DIP2C: variants seen among roughly 807,000 people sequenced by gnomAD.
The protein encoded by DIP2C is disco-interacting protein 2 homolog C.
A neutral mutation model predicts 192.4 loss-of-function variants in DIP2C; 33 were observed. The ratio of observed to expected loss-of-function variants is 0.17; its 90% CI spans 0.13 to 0.23. The LOEUF (loss-of-function observed/expected upper bound fraction) is 0.23. Among genes scored for constraint, DIP2C ranks in the 10% least tolerant of loss-of-function variants. DIP2C has a pLI of 1.00. For synonymous variants in DIP2C, 979 were observed against 864.1 expected (o/e 1.13, Z -2.33); for missense variants, 1,537 against 2,110.1 (o/e 0.73, Z 5.32).
intron 4 of DIP2C, among the ~76,000 whole-genome samples, chr10:425,172 T>C (rs1378481052): frequency 3.0e-4 from 6 of 20,152 alleles, no homozygotes; most frequent in African/African-American, 5.5e-4. Flanking sequence ...GTGACTAATA[T>C]GACACGGATG....
intron 17 of DIP2C, among the ~76,000 whole-genome samples, chr10:377,569 C>T (rs75814475): frequency 3.2e-4 from 49 of 152,286 alleles, no homozygotes; most frequent in African/African-American, 1.1e-3. Context: ...GTTTATCTTG[C>T]GTTCTCTTAC....
At chr10:612,219 G>A in intron 1 of DIP2C, among the ~76,000 whole-genome samples, 1 of 152,000 alleles carries the variant, frequency 6.6e-6, no homozygotes, top group East Asian at 1.9e-4. Flanking sequence ...CGTGAACCCA[G>A]GAGGCGAGGT....
intron 1 of DIP2C, among the ~76,000 whole-genome samples, chr10:508,074 T>C (rs2130751010): frequency 6.6e-6 from 1 of 152,314 alleles, no homozygotes; most frequent in East Asian, 1.9e-4. Context: ...GAGCAGCTCC[T>C]GATGACCCAG....
chr10:305,755 C>T (rs1956287191), intron 32 of DIP2C, among the ~76,000 whole-genome samples: 1 of 152,098 alleles, frequency 6.6e-6, no homozygotes, highest in Non-Finnish European at 1.5e-5. Context: ...AGCAGTCCTC[C>T]CACCTCAGCT....
At chr10:525,488 GAACA>G (rs1208577674) in intron 1 of DIP2C, among the ~76,000 whole-genome samples, 5 of 152,304 alleles carry the variant, frequency 3.3e-5, no homozygotes, top group African/African-American at 7.2e-5. Context: ...TTCTCATACA[GAACA>G]AATACAAAGT....
chr10:510,542 G>T (rs551378226), intron 1 of DIP2C, among the ~76,000 whole-genome samples: 1 of 152,354 alleles, frequency 6.6e-6, no homozygotes, highest in African/African-American at 2.4e-5. Context: ...TGCCAGGCAG[G>T]CCTGGGCAGC....
chr10:333,718 T>A lies in DIP2C; in HGVS notation c.3585-4117A>T, dbSNP rs528630798. 2.0e-5 allele frequency among the ~76,000 whole-genome samples: 3 copies of A among 152,374 alleles called. No individual in the cohort carries two copies. The South Asian group carries it at 6.2e-4, about 32-fold the overall frequency. Reference sequence around the variant, plus strand: ...AAACAGTGGCTTCCCCATTTTACATTCCCACTATCAATGTATGAGAATTCG... The same window carrying A: ...AAACAGTGGCTTCCCCATTTTACATACCCACTATCAATGTATGAGAATTCG... On this transcript the variant is annotated intron_variant, in intron 29 of 36. Transcript: ENST00000280886.
At position 484,787 on chromosome 10, in the gene DIP2C, G is replaced by T. The variant is rs1016792890; in HGVS notation, c.157+1672C>A. Reference sequence around the variant, plus strand: ...TCAGCAAAGCAGCGCTCACCGAAACGAAAGTAAAACAGAGGCCGGTTCCCT... The same window carrying T: ...TCAGCAAAGCAGCGCTCACCGAAACTAAAGTAAAACAGAGGCCGGTTCCCT... On this transcript the variant is annotated intron_variant, in intron 2 of 36. Coordinates refer to ENST00000280886, the MANE Select transcript of DIP2C (RefSeq NM_014974.3). 6.2e-6 allele frequency: 10 copies of T among 1,610,772 alleles called. No individual in the cohort carries two copies. In the African/African-American group the frequency reaches 1.1e-4, roughly 17 times the overall value.
At position 329,707 on chromosome 10, in the gene DIP2C, G is replaced by C. The variant is rs544472032; in HGVS notation, c.3585-106C>G. 6.5e-6 allele frequency: 9 copies of C among 1,392,722 alleles called. No homozygotes were observed. The South Asian group carries it at 1.3e-4, about 20-fold the overall frequency. 86.3% of individuals were successfully genotyped at this position (1,392,722 alleles called of 1,614,324 possible). A position where few individuals can be genotyped will look rare whatever the true frequency, so the allele number is the denominator to read the frequency against. On this transcript the variant is annotated intron_variant, in intron 29 of 36. Coordinates refer to ENST00000280886, the MANE Select transcript of DIP2C (RefSeq NM_014974.3). ...TGACTCCAAGGAAAAGGAGGACTTG[G>C]AACAGCCCGTGCTGCCATCTGTAGA...
chr10:625,123 G>A (rs1164887365), intron 1 of DIP2C, among the ~76,000 whole-genome samples: 2 of 152,174 alleles, frequency 1.3e-5, no homozygotes, highest in Non-Finnish European at 2.9e-5. Flanking sequence ...ATGCCACCCT[G>A]AATTACAGCC....
At chr10:377,731 C>T (rs10904067) in intron 17 of DIP2C, among the ~76,000 whole-genome samples, 49,323 of 152,080 alleles carry the variant, frequency 0.32, 9,380 homozygotes, top group Non-Finnish European at 0.44. Context: ...CAGCACCCTT[C>T]TCCCTGCGGA....
At chr10:326,738 G>A (rs1256673658) in intron 31 of DIP2C, among the ~76,000 whole-genome samples, 3 of 152,288 alleles carry the variant, frequency 2.0e-5, no homozygotes, top group East Asian at 1.9e-4. Context: ...GAACAGCAGA[G>A]GTCTGGACAA....
chr10:498,924 C>CT (rs2133632956), intron 1 of DIP2C, among the ~76,000 whole-genome samples: 1 of 152,304 alleles, frequency 6.6e-6, no homozygotes, highest in South Asian at 2.1e-4. Flanking sequence ...TATGGTGTTA[C>CT]TTATCTGCAT....
rs543852602 is a variant in DIP2C, at chr10:412,750, T to G, written c.1057+1163A>C. Among the ~76,000 whole-genome samples the G allele has an allele frequency of 2.0e-5, 3 of 152,262 alleles. No homozygotes were observed. In the South Asian group the frequency reaches 6.2e-4, roughly 32 times the overall value. ...TGGCTTTTGACCTCCATGGCTAATG[T>G]AGAAATCAATTCCTTTCCTACCTGC... On this transcript the variant is annotated intron_variant, in intron 8 of 36. Coordinates refer to ENST00000280886, the MANE Select transcript of DIP2C (RefSeq NM_014974.3).
chr10:605,741 T>C (rs575374302), intron 1 of DIP2C, among the ~76,000 whole-genome samples: 63 of 152,312 alleles, frequency 4.1e-4, no homozygotes, highest in Admixed American at 1.2e-3. Flanking sequence ...GCCACCAGGA[T>C]AACATAATTA....
At chr10:576,174 T>C (rs1363851174) in intron 1 of DIP2C, among the ~76,000 whole-genome samples, 2 of 152,216 alleles carry the variant, frequency 1.3e-5, no homozygotes, top group Non-Finnish European at 2.9e-5. Context: ...GAATGTCACA[T>C]GTCCAGCATT....
chr10:330,975 CTAATTT>C (rs1384564042), intron 29 of DIP2C, among the ~76,000 whole-genome samples: 4 of 100,232 alleles, frequency 4.0e-5, no homozygotes, highest in South Asian at 8.5e-4. Flanking sequence ...CTATGCCTGG[CTAATTT>C]TTTTTTTTTT....
intron 29 of DIP2C, among the ~76,000 whole-genome samples, chr10:340,088 T>C (rs1958069311): frequency 1.3e-5 from 2 of 151,214 alleles, no homozygotes; most frequent in South Asian, 4.2e-4. Flanking sequence ...GGCTGAGACA[T>C]GAGAATCGCT....
intron 13 of DIP2C, among the ~76,000 whole-genome samples, chr10:389,304 G>T (rs557532911): frequency 7.2e-4 from 110 of 152,168 alleles, no homozygotes; most frequent in African/African-American, 2.5e-3. Flanking sequence ...GGCCACCAAT[G>T]GGGGGAGTCT....
Sources: gnomAD v4.1 joint callset for allele counts (sites outside exome capture counted in the v4.1 genomes callset) on GRCh38, gnomAD v4.1.1 for gene constraint, MANE v1.5 for transcripts, NCBI Gene and HGNC (gene_info 2026-07-23, HGNC 2026-07-21) for gene names.